The following CSMD3 variants were observed in gnomAD, a reference collection of about 807,000 sequenced individuals.
CSMD3 encodes the protein CUB and sushi domain-containing protein 3.
In CSMD3, 177 loss-of-function variants were observed where a neutral mutation model predicts 435.2. The ratio of observed to expected loss-of-function variants is 0.41; its 90% CI spans 0.36 to 0.46. The LOEUF is 0.46. Ranked by LOEUF, CSMD3 falls within the 20% of genes least tolerant of loss-of-function variation. The pLI is 0.34. For missense variants in CSMD3, 4,265 were observed against 4,504.6 expected, an observed-to-expected ratio of 0.95 and a Z score of 1.52; for synonymous variants, 1,656 against 1,520.5, an observed-to-expected ratio of 1.09 and a Z score of -2.07.
At chr8:113,063,257 T>C (rs2088697434) in intron 5 of CSMD3, among the ~76,000 whole-genome samples, 1 of 151,860 alleles carries the variant, frequency 6.6e-6, no homozygotes, top group Non-Finnish European at 1.5e-5. Context: ...GCCTTTTAAG[T>C]TTGCATTACA....
intron 5 of CSMD3, among the ~76,000 whole-genome samples, chr8:113,058,917 A>G (rs2088475767): frequency 6.6e-6 from 1 of 152,146 alleles, no homozygotes; most frequent in Admixed American, 6.6e-5. Context: ...GATAATATAG[A>G]CTTCAACAAA....
chr8:113,040,974 T>G (rs1228473324), intron 5 of CSMD3, among the ~76,000 whole-genome samples: 1 of 151,816 alleles, frequency 6.6e-6, no homozygotes, highest in Non-Finnish European at 1.5e-5. Flanking sequence ...GAAGCTGAGT[T>G]GGGCAGCTTG....
chr8:112,799,017 C>CA (rs755423918), intron 13 of CSMD3, among the ~76,000 whole-genome samples: 36 of 151,866 alleles, frequency 2.4e-4, no homozygotes, highest in Non-Finnish European at 4.0e-4. Context: ...AAAAAAAAGA[C>CA]AGATAAATAC....
At chr8:113,352,420 G>C (rs915110248) in intron 1 of CSMD3, among the ~76,000 whole-genome samples, 22 of 152,034 alleles carry the variant, frequency 1.4e-4, no homozygotes, top group African/African-American at 5.3e-4. Context: ...ACCTTCAGAA[G>C]GAGCACGCCC....
At chr8:112,285,805 T>A (rs1478890435) in intron 58 of CSMD3, among the ~76,000 whole-genome samples, 1 of 152,066 alleles carries the variant, frequency 6.6e-6, no homozygotes, top group Admixed American at 6.6e-5. Flanking sequence ...CTGCAGCCTC[T>A]GCCTCCTGGA....
chr8:113,179,223 T>C (rs1443780768), intron 3 of CSMD3, among the ~76,000 whole-genome samples: 1 of 146,732 alleles, frequency 6.8e-6, no homozygotes, highest in Non-Finnish European at 1.5e-5. Flanking sequence ...ACAGTATATG[T>C]TAGTCATGTA....
Position 113,392,987 on chromosome 8 carries a change from G to A in CSMD3, c.178+43690C>T, listed in dbSNP as rs1340781453. Reference sequence around the variant, plus strand: ...TGTGTGTGTGTGTGTATATACATATGTATATATATATATACACATGTGTTT... The same window carrying A: ...TGTGTGTGTGTGTGTATATACATATATATATATATATATACACATGTGTTT... On this transcript the variant is annotated intron_variant, in intron 1 of 70. Transcript: ENST00000297405. Among the ~76,000 whole-genome samples, 4 of 149,008 alleles carry A rather than the reference G, an allele frequency of 2.7e-5. No homozygotes were observed. The East Asian group carries it at 7.8e-4, about 29-fold the overall frequency.
intron 9 of CSMD3, among the ~76,000 whole-genome samples, chr8:112,933,257 C>G (rs1272328822): frequency 1.3e-5 from 2 of 151,964 alleles, no homozygotes; most frequent in East Asian, 1.9e-4. Context: ...CAGAATTGGG[C>G]TATAGATTCT....
At chr8:113,157,292 T>A (rs2091953374) in intron 4 of CSMD3, among the ~76,000 whole-genome samples, 1 of 152,106 alleles carries the variant, frequency 6.6e-6, no homozygotes. Context: ...CTGCTTTGAC[T>A]ATAAAGCTCA....
intron 1 of CSMD3, among the ~76,000 whole-genome samples, chr8:113,372,068 T>C (rs2094348912): frequency 6.6e-6 from 1 of 152,190 alleles, no homozygotes. Context: ...ATTTAATCCA[T>C]TGATTAACTG....
chr8:112,899,599 T>TATATATATATATATATA (rs2082046300), intron 10 of CSMD3, among the ~76,000 whole-genome samples: 1 of 100,026 alleles, frequency 1.0e-5, no homozygotes, highest in Admixed American at 1.1e-4. Context: ...CTTGTCTATT[T>TATATATATATATATATA]TATATATATA....
intron 17 of CSMD3, among the ~76,000 whole-genome samples, chr8:112,659,645 G>T (rs1428768050): frequency 6.6e-6 from 1 of 152,118 alleles, no homozygotes; most frequent in African/African-American, 2.4e-5. Flanking sequence ...CTCAGGAGCT[G>T]CTGGATATTG....
At chr8:112,659,008 T>C (rs1056297782) in intron 17 of CSMD3, among the ~76,000 whole-genome samples, 3 of 152,096 alleles carry the variant, frequency 2.0e-5, no homozygotes, top group African/African-American at 7.2e-5. Flanking sequence ...TTGTAGTCAG[T>C]CTACTGTGAA....
At chr8:112,353,161 T>G (rs2131068143) in intron 38 of CSMD3, among the ~76,000 whole-genome samples, 1 of 152,170 alleles carries the variant, frequency 6.6e-6, no homozygotes, top group South Asian at 2.1e-4. Flanking sequence ...GGGGCTGAGG[T>G]GGGTGGATCA....
chr8:112,319,015 T>C, intron 46 of CSMD3, 65 bp from the exon 47 acceptor site: 1 of 927,708 alleles, frequency 1.1e-6, no homozygotes, highest in Non-Finnish European at 1.8e-6. Flanking sequence ...AAACAAATAT[T>C]TCAATTGTAG....
intron 3 of CSMD3, among the ~76,000 whole-genome samples, chr8:113,210,830 A>G (rs181252005): frequency 6.6e-6 from 1 of 152,154 alleles, no homozygotes; most frequent in East Asian, 1.9e-4. Flanking sequence ...CAGTAAGCCA[A>G]GAGCACCGCT....
At chr8:112,370,472 C>A (rs1039040055) in intron 38 of CSMD3, among the ~76,000 whole-genome samples, 23 of 152,198 alleles carry the variant, frequency 1.5e-4, no homozygotes, top group African/African-American at 4.1e-4. Context: ...AAAGTCCTTA[C>A]AATGGCTTAT....
At chr8:112,630,942 TCACACACACACACACACA>T (rs5894090) in intron 22 of CSMD3, among the ~76,000 whole-genome samples, 3 of 140,586 alleles carry the variant, frequency 2.1e-5, no homozygotes, top group African/African-American at 7.8e-5. Flanking sequence ...ACATCAGTAT[TCACACACACACACACACA>T]CACACACACA....
At chr8:113,049,267 C>T (rs57420006) in intron 5 of CSMD3, among the ~76,000 whole-genome samples, 2,166 of 152,100 alleles carry the variant, frequency 0.014, 52 homozygotes, top group African/African-American at 0.05. Context: ...AGTCATATGC[C>T]TTCCAGCTTT....
Sources: allele counts gnomAD v4.1 joint callset (sites outside exome capture counted in the v4.1 genomes callset), GRCh38; gene constraint gnomAD v4.1.1; transcripts MANE v1.5; gene names NCBI Gene and HGNC (gene_info 2026-07-23, HGNC 2026-07-21).